The following NME7 variants were observed in gnomAD, a reference collection of about 807,000 sequenced individuals.
The protein encoded by NME7 is NME/NM23 family member 7.
NME7 carries 41 observed loss-of-function variants against 49.1 expected under a neutral mutation model. That is an observed-to-expected ratio of 0.83 (90% confidence interval 0.65 to 1.08). The LOEUF (loss-of-function observed/expected upper bound fraction) is 1.08, where lower values mean the gene tolerates loss of function less well. Among genes scored for constraint, NME7 ranks in the 50% least tolerant of loss-of-function variants. The pLI is 0.00. For missense variants in NME7, 423 were observed against 463.4 expected, an observed-to-expected ratio of 0.91 and a Z score of 0.80; for synonymous variants, 139 against 150.6, an observed-to-expected ratio of 0.92 and a Z score of 0.56.
intron 10 of NME7, among the ~76,000 whole-genome samples, chr1:169,180,879 A>G (rs79104347): frequency 0.014 from 2,207 of 152,252 alleles, 48 homozygotes; most frequent in African/African-American, 0.048. Context: ...AGAACCAGCC[A>G]TGTTTCAGGT....
intron 10 of NME7, among the ~76,000 whole-genome samples, chr1:169,194,969 A>G (rs1353329612): frequency 6.6e-6 from 1 of 152,208 alleles, no homozygotes; most frequent in Non-Finnish European, 1.5e-5. Context: ...TACAACATAT[A>G]TATTAGTACT....
intron 10 of NME7, among the ~76,000 whole-genome samples, chr1:169,225,114 T>C (rs902684050): frequency 1.3e-5 from 2 of 152,172 alleles, no homozygotes; most frequent in African/African-American, 2.4e-5. Flanking sequence ...TATATAATTT[T>C]TTTTTCTTTA....
intron 11 of NME7, among the ~76,000 whole-genome samples, chr1:169,153,815 C>T (rs1658979122): frequency 6.6e-6 from 1 of 151,976 alleles, no homozygotes; most frequent in South Asian, 2.1e-4. Flanking sequence ...CCTACCACCT[C>T]AGCCTCCTGA....
intron 10 of NME7, among the ~76,000 whole-genome samples, chr1:169,183,375 T>C (rs1218598089): frequency 1.3e-5 from 2 of 152,198 alleles, no homozygotes; most frequent in African/African-American, 4.8e-5. Flanking sequence ...ATTTTAAATA[T>C]ATACACCTCT....
At chr1:169,364,546 C>T (rs961778505) in intron 1 of NME7, among the ~76,000 whole-genome samples, 5 of 151,876 alleles carry the variant, frequency 3.3e-5, no homozygotes, top group Middle Eastern at 3.4e-3. Context: ...GCACCTGACT[C>T]GACTCAACCC....
At chr1:169,279,061 G>A (rs962300346) in intron 7 of NME7, among the ~76,000 whole-genome samples, 12 of 152,176 alleles carry the variant, frequency 7.9e-5, no homozygotes, top group African/African-American at 2.9e-4. Context: ...TCTCAGAGGA[G>A]TACCTGGCCG....
At chr1:169,207,030 G>A (rs924716144) in intron 10 of NME7, among the ~76,000 whole-genome samples, 3 of 152,068 alleles carry the variant, frequency 2.0e-5, no homozygotes, top group East Asian at 1.9e-4. Flanking sequence ...CTGAGGATAG[G>A]TAATTTATAA....
At chr1:169,189,956 G>A (rs16862000) in intron 10 of NME7, among the ~76,000 whole-genome samples, 3,877 of 152,184 alleles carry the variant, frequency 0.025, 139 homozygotes, top group African/African-American at 0.087. Flanking sequence ...TACGTCAGGA[G>A]CCAACAAAAG....
intron 9 of NME7, 139 bp downstream of exon 9, chr1:169,234,992 C>A: frequency 2.4e-6 from 1 of 418,384 alleles, no homozygotes. Context: ...GTCGTTGACA[C>A]AGAACTTTAG....
chr1:169,331,125 T>A (rs1452190276), intron 1 of NME7, among the ~76,000 whole-genome samples: 3 of 152,172 alleles, frequency 2.0e-5, no homozygotes, highest in African/African-American at 7.2e-5. Flanking sequence ...TATGACCGAG[T>A]GGGATATATC....
At chr1:169,212,050 A>AC (rs1660837710) in intron 10 of NME7, among the ~76,000 whole-genome samples, 1 of 152,140 alleles carries the variant, frequency 6.6e-6, no homozygotes, top group African/African-American at 2.4e-5. Context: ...GCATTATTTA[A>AC]CACCAAAGCA....
chr1:169,202,752 C>A (rs2101780967), intron 10 of NME7, among the ~76,000 whole-genome samples: 1 of 152,202 alleles, frequency 6.6e-6, no homozygotes, highest in Non-Finnish European at 1.5e-5. Context: ...GGCTAGGAAG[C>A]ATAATCTCTG....
chr1:169,315,993 T>A (rs1651610780), intron 3 of NME7, among the ~76,000 whole-genome samples: 1 of 151,946 alleles, frequency 6.6e-6, no homozygotes. Context: ...ATTGTGTGTC[T>A]AGCAATAGTA....
Position 169,287,516 on chromosome 1 carries a change from T to C in NME7, c.649-108A>G, listed in dbSNP as rs1459822810. On this transcript the variant is annotated intron_variant, in intron 6 of 11. Transcript: ENST00000367811. The stretch of plus-strand genomic sequence containing the variant: ...TGCAATTACTTTTAGAGTTTCATCA[T>C]ATAAATTTTTTGTTTCAGATTTTCT... 4.8e-6 allele frequency: 4 copies of C among 825,266 alleles called. No homozygotes were observed. In the African/African-American group the frequency reaches 5.2e-5, roughly 11 times the overall value. The allele number at this position is 825,266 out of a possible 1,614,324, so 51.1% of individuals were successfully genotyped here.
At chr1:169,338,710 T>C (rs1047931959) in intron 1 of NME7, among the ~76,000 whole-genome samples, 3 of 152,222 alleles carry the variant, frequency 2.0e-5, no homozygotes, top group Non-Finnish European at 2.9e-5. Context: ...ACAGTTATTA[T>C]GAAGTCTTCC....
At chr1:169,243,686 T>C (rs191714554) in intron 7 of NME7, among the ~76,000 whole-genome samples, 1 of 152,290 alleles carries the variant, frequency 6.6e-6, no homozygotes, top group Admixed American at 6.5e-5. Context: ...AAGAAAACCA[T>C]GGGCCCTGAC....
At chr1:169,244,568 G>A (rs138431097) in intron 7 of NME7, among the ~76,000 whole-genome samples, 1,858 of 149,520 alleles carry the variant, frequency 0.012, 48 homozygotes, top group African/African-American at 0.043. Context: ...CCTGGGAGGC[G>A]GAGCTTTCAG....
intron 1 of NME7, among the ~76,000 whole-genome samples, chr1:169,338,274 G>A (rs1652556493): frequency 4.6e-5 from 7 of 152,044 alleles, no homozygotes; most frequent in Admixed American, 3.9e-4. Flanking sequence ...GTTTTTTAAT[G>A]TTACTTCAAG....
At chr1:169,133,304 T>TAACA (rs1248258901) in intron 11 of NME7, among the ~76,000 whole-genome samples, 1 of 152,224 alleles carries the variant, frequency 6.6e-6, no homozygotes, top group East Asian at 1.9e-4. Context: ...ATCACTTAAC[T>TAACA]AACATGGGAA....
Sources: allele counts gnomAD v4.1 joint callset (sites outside exome capture counted in the v4.1 genomes callset), GRCh38; gene constraint gnomAD v4.1.1; transcripts MANE v1.5; gene names NCBI Gene and HGNC (gene_info 2026-07-23, HGNC 2026-07-21).